MEMO1: variants seen among roughly 807,000 people sequenced by gnomAD.
The protein encoded by MEMO1 is mediator of cell motility 1.
In MEMO1, 6 loss-of-function variants were observed where a neutral mutation model predicts 45.2. That is an observed-to-expected ratio of 0.13 (90% CI 0.07 to 0.26). The LOEUF (loss-of-function observed/expected upper bound fraction) is 0.26, where lower values mean the gene tolerates loss of function less well. Among genes scored for constraint, MEMO1 ranks in the 10% least tolerant of loss-of-function variants. The pLI is 1.00. For synonymous variants in MEMO1, 78 were observed against 124.3 expected, an observed-to-expected ratio of 0.63 and a Z score of 2.48; for missense variants, 184 against 370.5, an observed-to-expected ratio of 0.50 and a Z score of 4.13.
chr2:31,990,426 G>A (rs1671800463), intron 2 of MEMO1, among the ~76,000 whole-genome samples: 1 of 151,904 alleles, frequency 6.6e-6, no homozygotes, highest in Non-Finnish European at 1.5e-5. Context: ...TGGTTGGTTG[G>A]CTGGTTTTTG....
chr2:31,994,633 A>G (rs1381692675), intron 2 of MEMO1, among the ~76,000 whole-genome samples: 1 of 151,772 alleles, frequency 6.6e-6, no homozygotes, highest in Non-Finnish European at 1.5e-5. Flanking sequence ...TTTGTCTAAA[A>G]AAAAAATAAT....
intron 2 of MEMO1, among the ~76,000 whole-genome samples, chr2:31,958,118 C>T (rs1289210757): frequency 6.6e-6 from 1 of 152,070 alleles, no homozygotes; most frequent in Admixed American, 6.5e-5. Context: ...TCAGATATAA[C>T]ACCCATCACA....
intron 3 of MEMO1, among the ~76,000 whole-genome samples, chr2:31,937,833 C>T (rs1438261224): frequency 6.6e-6 from 1 of 152,142 alleles, no homozygotes; most frequent in Non-Finnish European, 1.5e-5. Flanking sequence ...TATTTGATTA[C>T]ATTTTTATAT....
intron 2 of MEMO1, among the ~76,000 whole-genome samples, chr2:31,984,747 G>A (rs1459092244): frequency 6.6e-6 from 1 of 152,086 alleles, no homozygotes; most frequent in African/African-American, 2.4e-5. Flanking sequence ...CAGAGCTTGC[G>A]GTGAGCCAAG....
chr2:31,926,176 G>A (rs943134532), intron 4 of MEMO1, among the ~76,000 whole-genome samples: 4 of 152,018 alleles, frequency 2.6e-5, no homozygotes, highest in African/African-American at 9.7e-5. Context: ...AGACCAGCCT[G>A]AGCAACATAG....
intron 2 of MEMO1, among the ~76,000 whole-genome samples, chr2:31,968,743 A>G (rs1668924670): frequency 6.6e-6 from 1 of 152,126 alleles, no homozygotes; most frequent in Admixed American, 6.6e-5. Context: ...TCACAATTCA[A>G]TGTCTATTTG....
chr2:31,876,362 C>T (rs184040434), intron 8 of MEMO1, among the ~76,000 whole-genome samples: 1 of 152,320 alleles, frequency 6.6e-6, no homozygotes, highest in East Asian at 1.9e-4. Context: ...CTTTCTCAGA[C>T]CACTCAATCC....
intron 2 of MEMO1, among the ~76,000 whole-genome samples, chr2:31,993,101 A>ATC (rs1244857412): frequency 6.6e-6 from 1 of 152,162 alleles, no homozygotes; most frequent in Non-Finnish European, 1.5e-5. Flanking sequence ...GGAGCCAAGG[A>ATC]ATTTGAGACT....
At chr2:31,934,860 G>C (rs1257691890) in intron 3 of MEMO1, among the ~76,000 whole-genome samples, 2 of 152,186 alleles carry the variant, frequency 1.3e-5, no homozygotes, top group African/African-American at 4.8e-5. Context: ...CTCTACCCAA[G>C]CATGAGGTAC....
At chr2:32,007,504 G>A (rs1674246817) in intron 2 of MEMO1, among the ~76,000 whole-genome samples, 1 of 152,108 alleles carries the variant, frequency 6.6e-6, no homozygotes, top group Admixed American at 6.5e-5. Context: ...ACAAAAAGAA[G>A]ATATATGTGT....
intron 2 of MEMO1, among the ~76,000 whole-genome samples, chr2:31,951,515 T>TC (rs1179279071): frequency 1.4e-5 from 2 of 147,324 alleles, no homozygotes; most frequent in Non-Finnish European, 3.0e-5. Flanking sequence ...TCTCACTTAA[T>TC]GGTTTTTTTT....
intron 2 of MEMO1, among the ~76,000 whole-genome samples, chr2:31,946,492 A>C (rs577093200): frequency 1.3e-5 from 2 of 152,358 alleles, no homozygotes; most frequent in East Asian, 3.9e-4. Context: ...TATTAACTTA[A>C]GGAAAAATAA....
At chr2:31,969,598 T>TGTGG (rs1558542115) in intron 2 of MEMO1, among the ~76,000 whole-genome samples, 22 of 144,184 alleles carry the variant, frequency 1.5e-4, no homozygotes, top group African/African-American at 5.4e-4. Context: ...TGTGTGTGTG[T>TGTGG]GTGTGTGTGT....
intron 6 of MEMO1, among the ~76,000 whole-genome samples, chr2:31,902,891 G>A (rs988497197): frequency 6.6e-6 from 1 of 151,864 alleles, no homozygotes; most frequent in Admixed American, 6.6e-5. Context: ...TATTACCAAT[G>A]CTCTTACTAA....
intron 6 of MEMO1, among the ~76,000 whole-genome samples, chr2:31,913,563 T>G (rs1003967567): frequency 3.8e-4 from 58 of 152,000 alleles, no homozygotes; most frequent in African/African-American, 1.3e-3. Context: ...ACATGTAATT[T>G]TTTTTTAAAA....
intron 5 of MEMO1, among the ~76,000 whole-genome samples, chr2:31,920,536 T>C (rs969992192): frequency 6.6e-6 from 1 of 152,156 alleles, no homozygotes; most frequent in African/African-American, 2.4e-5. Flanking sequence ...GTACATGGCA[T>C]TTTTCTGAAT....
intron 2 of MEMO1, among the ~76,000 whole-genome samples, chr2:32,002,312 C>T (rs920079231): frequency 2.7e-5 from 4 of 146,928 alleles, no homozygotes; most frequent in South Asian, 2.1e-4. Flanking sequence ...TACATATATA[C>T]ATACACATAT....
intron 4 of MEMO1, among the ~76,000 whole-genome samples, chr2:31,926,473 C>T (rs1014560731): frequency 9.2e-5 from 14 of 151,746 alleles, no homozygotes; most frequent in Admixed American, 2.6e-4. Context: ...ATTGGACTTT[C>T]ATAAAACTTT....
At chr2:31,944,640 A>T (rs1424482182) in intron 2 of MEMO1, among the ~76,000 whole-genome samples, 2 of 152,148 alleles carry the variant, frequency 1.3e-5, no homozygotes, top group South Asian at 4.1e-4. Flanking sequence ...TTCTGCTCCC[A>T]TAACTATTAT....
Sources: allele counts gnomAD v4.1 joint callset (sites outside exome capture counted in the v4.1 genomes callset), GRCh38; gene constraint gnomAD v4.1.1; transcripts MANE v1.5; gene names NCBI Gene and HGNC (gene_info 2026-07-23, HGNC 2026-07-21).